CSMD2: variants seen among roughly 807,000 people sequenced by gnomAD.
CSMD2 encodes the protein CUB and Sushi multiple domains 2, also known as CUB and sushi domain-containing protein 2.
In CSMD2, 130 loss-of-function variants were observed where a neutral mutation model predicts 398.5. The observed-to-expected ratio is 0.33, with a 90% confidence interval of 0.28 to 0.38. The LOEUF (loss-of-function observed/expected upper bound fraction) is 0.38. CSMD2 is among the 10% of genes least tolerant of loss of function. The probability of loss-of-function intolerance (pLI) is 1.00; values close to 1 mark genes in which losing one functional copy is unlikely to be tolerated. For synonymous variants in CSMD2, 1,828 were observed against 1,908.5 expected (o/e 0.96, Z 1.10); for missense variants, 3,829 against 4,764.9 (o/e 0.80, Z 5.78).
intron 3 of CSMD2, among the ~76,000 whole-genome samples, chr1:34,018,198 C>T (rs1648402193): frequency 1.3e-5 from 2 of 152,126 alleles, no homozygotes; most frequent in African/African-American, 4.8e-5. Flanking sequence ...ATATCATAAA[C>T]ATCTTTCTGT....
intron 3 of CSMD2, among the ~76,000 whole-genome samples, chr1:33,943,481 A>T (rs1644741691): frequency 6.6e-6 from 1 of 152,208 alleles, no homozygotes. Context: ...TCACAATGTC[A>T]TTGGCAATTG....
chr1:34,150,264 T>C lies in CSMD2; in HGVS notation c.187+14647A>G, dbSNP rs143045334. ...CACACCCAGCTAATATTTTTATTTT[T>C]TGTAGAGACAGGGTATTACTATGCT... is the stretch of plus-strand genomic sequence containing the variant. On this transcript the variant is annotated intron_variant, in intron 1 of 70. Coordinates refer to ENST00000373381, the MANE Select transcript of CSMD2 (RefSeq NM_001281956.2). 2.2e-3 allele frequency among the ~76,000 whole-genome samples: 330 copies of C among 152,110 alleles called. 1 individual carries two copies. The highest frequency in any genetic ancestry group is 7.6e-3 in the African/African-American group (317 of 41,530).
intron 5 of CSMD2, among the ~76,000 whole-genome samples, chr1:33,887,509 T>C (rs1641683122): frequency 6.6e-6 from 1 of 152,186 alleles, no homozygotes; most frequent in Non-Finnish European, 1.5e-5. Flanking sequence ...TTTAGAGAAC[T>C]TTCCTCTCCA....
Position 33,714,512 on chromosome 1 carries a change from C to T in CSMD2, c.3406+75G>A, listed in dbSNP as rs1646097356. 10 of 1,515,468 alleles carry T rather than the reference C, an allele frequency of 6.6e-6. No homozygotes were observed. In the Admixed American group the frequency reaches 1.6e-4, roughly 24 times the overall value. 93.9% of individuals were successfully genotyped at this position (1,515,468 alleles called of 1,614,324 possible). On this transcript the variant is annotated intron_variant, in intron 21 of 70. Coordinates refer to ENST00000373381, the MANE Select transcript of CSMD2 (RefSeq NM_001281956.2). ...TCAGCCTCTTGGCCTGTGTGCCGTC[C>T]ACCACCTCACATCAATTGACTATAA...
At chr1:33,766,650 A>G (rs1650540939) in intron 13 of CSMD2, among the ~76,000 whole-genome samples, 1 of 152,262 alleles carries the variant, frequency 6.6e-6, no homozygotes, top group Non-Finnish European at 1.5e-5. Context: ...TAGTCCACAA[A>G]GGTGTGCTAC....
intron 44 of CSMD2, among the ~76,000 whole-genome samples, chr1:33,592,648 A>G (rs941920999): frequency 6.6e-6 from 1 of 152,118 alleles, no homozygotes; most frequent in African/African-American, 2.4e-5. Context: ...TTGGATAATC[A>G]CTTTAAAAAT....
At chr1:33,739,032 G>A in intron 15 of CSMD2, 108 bp downstream of exon 15, 1 of 1,066,058 alleles carries the variant, frequency 9.4e-7, no homozygotes, top group Non-Finnish European at 1.3e-6. Context: ...TCTGGGAGAA[G>A]AGGAAGGACC....
At chr1:33,721,004 G>A (rs922398556) in intron 19 of CSMD2, among the ~76,000 whole-genome samples, 2 of 152,124 alleles carry the variant, frequency 1.3e-5, no homozygotes, top group African/African-American at 2.4e-5. Context: ...CTGGCCTAGC[G>A]ATTTTATAAT....
At chr1:33,722,756 A>G (rs994461222) in intron 19 of CSMD2, among the ~76,000 whole-genome samples, 3 of 151,562 alleles carry the variant, frequency 2.0e-5, no homozygotes, top group African/African-American at 7.3e-5. Flanking sequence ...AATCCTTTCA[A>G]AGTTTTTTTT....
chr1:34,062,354 CA>C (rs1352676607), intron 2 of CSMD2, among the ~76,000 whole-genome samples: 5 of 152,218 alleles, frequency 3.3e-5, no homozygotes, highest in East Asian at 1.9e-4. Flanking sequence ...TGACATCCAT[CA>C]GGGGTGTCCA....
At chr1:34,042,465 T>C (rs1479281384) in intron 2 of CSMD2, among the ~76,000 whole-genome samples, 3 of 152,210 alleles carry the variant, frequency 2.0e-5, no homozygotes, top group African/African-American at 7.2e-5. Flanking sequence ...GATAATTCTA[T>C]ATTAGTTGGG....
At chr1:34,114,735 A>G (rs1235312667) in intron 1 of CSMD2, among the ~76,000 whole-genome samples, 1 of 152,230 alleles carries the variant, frequency 6.6e-6, no homozygotes, top group African/African-American at 2.4e-5. Context: ...ATAAATCTTC[A>G]GAAACCAATT....
rs1470966997 is a variant in CSMD2 at position 33,792,488 on chromosome 1, C to CCT, written c.1483_1484dup (p.Tyr497AlafsTer5). 6.2e-7 allele frequency: 1 copy of CCT among 1,613,930 alleles called. No homozygotes were observed. Among genetic ancestry groups the CCT allele is most frequent in the African/African-American group, 1.3e-5 (1 of 74,910 alleles). ...CACCGACCGTCAGGGTGTCATAGCC[C>CCT]CTCTCCAAATCAAACTCCTCAAAGG... On this transcript the variant is annotated frameshift_variant, in exon 11 of 71. Coordinates refer to ENST00000373381, the MANE Select transcript of CSMD2 (RefSeq NM_001281956.2). LOFTEE classifies it high-confidence loss of function.
intron 15 of CSMD2, among the ~76,000 whole-genome samples, chr1:33,735,744 C>T (rs1646865108): frequency 6.6e-6 from 1 of 152,172 alleles, no homozygotes; most frequent in Non-Finnish European, 1.5e-5. Flanking sequence ...CTAAGTGGCT[C>T]TTAGCATATA....
intron 3 of CSMD2, among the ~76,000 whole-genome samples, chr1:33,973,530 G>A (rs1451018261): frequency 6.6e-6 from 1 of 152,232 alleles, no homozygotes; most frequent in African/African-American, 2.4e-5. Context: ...GGACTCCCAG[G>A]TCAGGGTACA....
At chr1:34,015,875 T>A (rs562301263) in intron 3 of CSMD2, among the ~76,000 whole-genome samples, 2 of 152,076 alleles carry the variant, frequency 1.3e-5, no homozygotes, top group African/African-American at 4.8e-5. Flanking sequence ...CACGAATAAA[T>A]CTTCAGCAGG....
chr1:33,715,037 C>T lies in CSMD2; in HGVS notation c.3218-262G>A, dbSNP rs575856826. On this transcript the variant is annotated intron_variant, in intron 20 of 70. Transcript: ENST00000373381. ...AGAGAGAAGCACGGGGAGGCCAGGA[C>T]GGGCGGTCTGCACCCACTCCTGTGA... Among the ~76,000 whole-genome samples the T allele has an allele frequency of 2.4e-4, 37 of 152,274 alleles. No individual in the cohort carries two copies. The South Asian group carries it at 2.9e-3, about 12-fold the overall frequency.
At chr1:33,936,012 C>T in intron 3 of CSMD2, 58 bp from the exon 4 acceptor site, 1 of 1,486,374 alleles carries the variant, frequency 6.7e-7, no homozygotes, top group South Asian at 1.3e-5. Context: ...GGAGCCCTGA[C>T]ACCGGGCTTC....
At chr1:33,836,229 G>A (rs1316990189) in intron 6 of CSMD2, among the ~76,000 whole-genome samples, 1 of 152,162 alleles carries the variant, frequency 6.6e-6, no homozygotes, top group African/African-American at 2.4e-5. Flanking sequence ...TGGAAGTTTT[G>A]TCTCAGAGGA....
Sources: gnomAD v4.1 joint callset for allele counts (sites outside exome capture counted in the v4.1 genomes callset) on GRCh38, gnomAD v4.1.1 for gene constraint, MANE v1.5 for transcripts, NCBI Gene and HGNC (gene_info 2026-07-23, HGNC 2026-07-21) for gene names.